The following TJP3 variants were observed in gnomAD, a reference collection of about 807,000 sequenced individuals.
TJP3 encodes tight junction protein 3, also known as tight junction protein ZO-3.
In TJP3, 85 loss-of-function variants were observed where a neutral mutation model predicts 104.2. The observed-to-expected ratio is 0.82, with a 90% confidence interval of 0.68 to 0.98. The LOEUF (loss-of-function observed/expected upper bound fraction) is 0.98, where lower values mean the gene tolerates loss of function less well. Ranked by LOEUF, TJP3 falls within the 50% of genes least tolerant of loss-of-function variation. The pLI, the probability that TJP3 is intolerant of heterozygous loss-of-function variation, is 0.00. For synonymous variants in TJP3, 550 were observed against 550.6 expected, an observed-to-expected ratio of 1.00 and a Z score of 0.02; for missense variants, 1,367 against 1,322.8, an observed-to-expected ratio of 1.03 and a Z score of -0.52.
At chr19:3,735,388 G>A (rs532089311) in intron 8 of TJP3, among the ~76,000 whole-genome samples, 178 bp from the exon 9 acceptor site, 12 of 151,716 alleles carry the variant, frequency 7.9e-5, no homozygotes, top group East Asian at 2.0e-4. Flanking sequence ...TTGGAGAGAC[G>A]GGGTTTAACC....
intron 15 of TJP3, among the ~76,000 whole-genome samples, chr19:3,745,678 G>A (rs1247218767): frequency 6.6e-6 from 1 of 152,188 alleles, no homozygotes; most frequent in Non-Finnish European, 1.5e-5. Flanking sequence ...GTCTGGGAGA[G>A]CCAGGGGCTG....
At position 3,740,626 on chromosome 19, in the gene TJP3, A is replaced by G. The variant is rs201222873; in HGVS notation, c.1706A>G (p.Asn569Ser). The change falls in exon 14 of 21, where the codon AAT becomes AGT. Residue 569 changes from asparagine (N) to serine (S), a missense_variant. By Grantham distance (46) the Asn-to-Ser change is conservative (BLOSUM62 1). Transcript: ENST00000541714. ...GGGCCCGGCTCCTCCGCGGGCTCCA[A>G]TGCTCGGGCCGAGTTCTGGCGGCTG... ...GVGPGSSAGS[N>S]ARAEFWRLRG... 166 of 1,590,622 alleles carry G rather than the reference A, an allele frequency of 1.0e-4. No homozygotes were observed. The highest frequency in any genetic ancestry group is 8.6e-4 in the Admixed American group (48 of 56,074).
chr19:3,720,901 CTTTT>C (rs370206267), intron 1 of TJP3, among the ~76,000 whole-genome samples: 2 of 114,342 alleles, frequency 1.7e-5, no homozygotes, highest in Non-Finnish European at 3.4e-5. Flanking sequence ...CCTTCCTTTT[CTTTT>C]TTTTTTTTTT....
intron 20 of TJP3, 132 bp downstream of exon 20, chr19:3,750,316 A>G: frequency 8.1e-7 from 1 of 1,234,838 alleles, no homozygotes; most frequent in South Asian, 1.3e-5. Flanking sequence ...AGCCTGCCAG[A>G]GCCTCTCTAA....
chr19:3,733,961 G>A (rs1350701233), intron 7 of TJP3, 49 bp downstream of exon 7: 3 of 1,585,966 alleles, frequency 1.9e-6, no homozygotes, highest in African/African-American at 2.7e-5. Context: ...TGGATGGCAG[G>A]GAAGGTGGGA....
At chr19:3,721,866 G>A (rs1272642490) in intron 1 of TJP3, 10 of 1,223,798 alleles carry the variant, frequency 8.2e-6, no homozygotes, top group Non-Finnish European at 1.0e-5. Context: ...CCTCGGGTAG[G>A]GGGGCTGGAG....
intron 1 of TJP3, chr19:3,721,933 C>T: frequency 8.3e-7 from 1 of 1,200,040 alleles, no homozygotes; most frequent in African/African-American, 1.6e-5. Flanking sequence ...CCAAGGGTGG[C>T]AGGGGGAGGG....
chr19:3,709,946 G>A (rs1012643245), intron 1 of TJP3, among the ~76,000 whole-genome samples: 2 of 152,166 alleles, frequency 1.3e-5, no homozygotes, highest in Admixed American at 6.5e-5. Context: ...TCAGGAGTTC[G>A]AGACCAGCCT....
chr19:3,747,817 C>T lies in TJP3; in HGVS notation c.2346C>T (p.Asn782=), dbSNP rs756861985. 2 of 1,603,638 alleles carry T rather than the reference C, an allele frequency of 1.2e-6. No individual in the cohort carries two copies. The highest frequency in any genetic ancestry group is 1.1e-5 in the South Asian group (1 of 90,262). The change falls in exon 19 of 21, where the codon AAC becomes AAT. Residue 782 remains asparagine (N), a synonymous_variant. Transcript: ENST00000541714. ...EDQLDGSLED[N]LDLPHHGLAD... is the part of the protein sequence containing the mutation. ...AGCTGGATGGCTCCTTGGAGGACAACCTAGACCTCCCTCACCACGGCCTGG... is the reference window on the plus strand; with the variant it reads ...AGCTGGATGGCTCCTTGGAGGACAATCTAGACCTCCCTCACCACGGCCTGG...
chr19:3,732,549 A>G (rs144531969), intron 6 of TJP3, among the ~76,000 whole-genome samples: 3,108 of 150,228 alleles, frequency 0.021, 119 homozygotes, highest in African/African-American at 0.073. Context: ...TCGCTCTGTC[A>G]CCCAGGCTGG....
chr19:3,731,496 G>T (rs771358883), intron 5 of TJP3, among the ~76,000 whole-genome samples: 43 of 152,254 alleles, frequency 2.8e-4, no homozygotes, highest in Admixed American at 1.6e-3. Flanking sequence ...AGCCAGGCGT[G>T]GTGGTGTGCA....
chr19:3,718,019 T>G (rs533381731), intron 1 of TJP3, among the ~76,000 whole-genome samples: 6 of 150,562 alleles, frequency 4.0e-5, no homozygotes, highest in East Asian at 4.0e-4. Context: ...TTTGAGACCA[T>G]CCTGGCTAAC....
At chr19:3,716,151 C>T (rs983408364) in intron 1 of TJP3, among the ~76,000 whole-genome samples, 2 of 147,960 alleles carry the variant, frequency 1.4e-5, no homozygotes, top group South Asian at 4.6e-4. Flanking sequence ...CAGATCACTG[C>T]GACCTCTGCC....
chr19:3,728,286 T>G, intron 1 of TJP3, 138 bp from the exon 2 acceptor site: 9 of 1,359,614 alleles, frequency 6.6e-6, no homozygotes, highest in Non-Finnish European at 9.1e-6. Context: ...CCTGAGGCCC[T>G]GAGAGAGGTA....
intron 11 of TJP3, 46 bp downstream of exon 11, chr19:3,736,367 G>C (rs190247835): frequency 7.2e-4 from 1,066 of 1,474,190 alleles, no homozygotes; most frequent in Non-Finnish European, 8.4e-4. Context: ...TGGGCGTGCA[G>C]TGTGCTAGGT....
chr19:3,711,751 A>AAAAGAAAT (rs1599139893), intron 1 of TJP3, among the ~76,000 whole-genome samples: 1 of 147,712 alleles, frequency 6.8e-6, no homozygotes. Flanking sequence ...AAAAAAAAAA[A>AAAAGAAAT]GGTGCTTTAT....
chr19:3,730,848 T>G lies in TJP3; in HGVS notation c.613+142T>G. On this transcript the variant is annotated intron_variant, in intron 5 of 20. Coordinates refer to ENST00000541714, the MANE Select transcript of TJP3 (RefSeq NM_001267560.2). The surrounding 1 kb of genome is among the most constrained non-coding windows in gnomAD (Gnocchi z 7.3). The stretch of plus-strand genomic sequence containing the variant: ...GGCGCCCGCCACCATGCCTGGCTAA[T>G]TTTTGTACTTTTGGTAGAGATGGGG... 1.1e-6 allele frequency: 1 copy of G among 882,086 alleles called. No individual in the cohort carries two copies. The highest frequency in any genetic ancestry group is 2.8e-5 in the East Asian group (1 of 35,434). The allele number at this position is 882,086 out of a possible 1,614,324, so 54.6% of individuals were successfully genotyped here.
chr19:3,724,201 CTT>C (rs915401225), intron 1 of TJP3, among the ~76,000 whole-genome samples: 5 of 145,718 alleles, frequency 3.4e-5, no homozygotes, highest in African/African-American at 5.0e-5. Context: ...GGGGCTGTCT[CTT>C]TTTTTTTTTT....
At position 3,747,981 on chromosome 19, in the gene TJP3, C is replaced by T; in HGVS notation, c.2510C>T (p.Pro837Leu). 1.2e-6 allele frequency: 2 copies of T among 1,612,366 alleles called. No homozygotes were observed. The highest frequency in any genetic ancestry group is 2.2e-5 in the South Asian group (2 of 91,014). ...GGPYTDVDDE[P>L]PAPALARSSE... ...CCCTACACGGATGTGGATGATGAGC[C>T]CCCGGCTCCAGCCCTGGCCCGGTCC... Residue 837 changes from proline (P) to leucine (L), a missense_variant, in exon 19 of 21, where the codon CCC (proline) becomes CTC (leucine). Pro to Leu is a moderately conservative substitution (Grantham distance 98). Transcript: ENST00000541714.
Sources: gnomAD v4.1 joint callset for allele counts (sites outside exome capture counted in the v4.1 genomes callset) on GRCh38, gnomAD v4.1.1 for gene constraint, Gnocchi (gnomAD v3.1) non-coding constraint, MANE v1.5 for transcripts, NCBI Gene and HGNC (gene_info 2026-07-23, HGNC 2026-07-21) for gene names.